Variants in ARK2N observed in about 807,000 individuals in gnomAD.
The protein encoded by ARK2N is protein ARK2N.
chr18:46,252,339 C>T, the ARK2N span, among the ~76,000 whole-genome samples: 1,282 of 151,962 alleles, frequency 8.4e-3, 53 homozygotes, highest in East Asian at 0.12. Context: ...TGCAGTGGCG[C>T]GATCTCGACT....
the ARK2N span, among the ~76,000 whole-genome samples, chr18:46,239,474 AATAG>A: frequency 6.6e-6 from 1 of 152,248 alleles, no homozygotes; most frequent in Non-Finnish European, 1.5e-5. Context: ...CTTTACTGGA[AATAG>A]ATATGTTAGT....
the ARK2N span, among the ~76,000 whole-genome samples, chr18:46,262,299 C>G: frequency 0.011 from 1,609 of 152,248 alleles, 38 homozygotes; most frequent in African/African-American, 0.036. Flanking sequence ...TTTAGTGGAT[C>G]TAAACTGAAG....
At chr18:46,186,546 C>T in the ARK2N span, among the ~76,000 whole-genome samples, 1 of 138,972 alleles carries the variant, frequency 7.2e-6, no homozygotes, top group Admixed American at 7.4e-5. Context: ...GCTCTGTTGC[C>T]CAGGCTGGAG....
At chr18:46,232,582 A>G in the ARK2N span, 8 of 152,202 alleles carry the variant, frequency 5.3e-5, no homozygotes, top group Admixed American at 5.2e-4. Flanking sequence ...GTAACAGGGA[A>G]TAACTTCCAA....
At chr18:46,200,091 T>TGC in the ARK2N span, among the ~76,000 whole-genome samples, 195 of 148,094 alleles carry the variant, frequency 1.3e-3, 1 homozygote, top group Middle Eastern at 0.01. Flanking sequence ...TGTGTGTGTG[T>TGC]GCGCGCGCGT....
the ARK2N span, among the ~76,000 whole-genome samples, chr18:46,239,067 T>C: frequency 1.5e-4 from 23 of 152,212 alleles, no homozygotes; most frequent in East Asian, 5.8e-4. Context: ...AAACTTTATG[T>C]TTGCTTTTTG....
At chr18:46,238,183 G>C in the ARK2N span, among the ~76,000 whole-genome samples, 2 of 152,140 alleles carry the variant, frequency 1.3e-5, no homozygotes, top group Admixed American at 1.3e-4. Context: ...CCTCAATTTG[G>C]GGGTAGGGGT....
the ARK2N span, among the ~76,000 whole-genome samples, chr18:46,213,414 T>TA: frequency 1.6e-4 from 24 of 151,922 alleles, no homozygotes; most frequent in African/African-American, 5.8e-4. Context: ...TTGACTGGCT[T>TA]AAAAAAAAGA....
the ARK2N span, among the ~76,000 whole-genome samples, chr18:46,183,946 C>G: frequency 6.6e-6 from 1 of 151,632 alleles, no homozygotes; most frequent in Non-Finnish European, 1.5e-5. Context: ...GCCTCAGCCT[C>G]CTGAGTAGCT....
chr18:46,175,112 A>AC, the ARK2N span, among the ~76,000 whole-genome samples: 2,576 of 133,362 alleles, frequency 0.019, 58 homozygotes, highest in African/African-American at 0.067. Context: ...AAAATTGTCC[A>AC]CCCCCCCGCC....
At chr18:46,199,792 G>C in the ARK2N span, among the ~76,000 whole-genome samples, 731 of 152,176 alleles carry the variant, frequency 4.8e-3, 9 homozygotes, top group African/African-American at 0.016. Context: ...ATCTTCTTCA[G>C]CTCTGCTGAC....
At chr18:46,236,355 G>A in the ARK2N span, among the ~76,000 whole-genome samples, 1 of 152,156 alleles carries the variant, frequency 6.6e-6, no homozygotes, top group African/African-American at 2.4e-5. Context: ...TGTTGTGATT[G>A]TAACAGCAAA....
At chr18:46,208,079 T>C in the ARK2N span, among the ~76,000 whole-genome samples, 94,966 of 152,084 alleles carry the variant, frequency 0.62, 31,807 homozygotes, top group Non-Finnish European at 0.74. Context: ...GAGAAAAACA[T>C]ATACCTATAT....
At chr18:46,227,609 T>G in the ARK2N span, among the ~76,000 whole-genome samples, 6 of 152,012 alleles carry the variant, frequency 3.9e-5, no homozygotes, top group East Asian at 1.2e-3. Context: ...TTTTTTTCCA[T>G]TTTTTGAGAT....
At chr18:46,252,466 G>T in the ARK2N span, among the ~76,000 whole-genome samples, 6 of 151,906 alleles carry the variant, frequency 3.9e-5, no homozygotes, top group Non-Finnish European at 8.8e-5. Flanking sequence ...GTAGAGATGG[G>T]GTTTCAACCA....
the ARK2N span, among the ~76,000 whole-genome samples, chr18:46,179,525 TTCAG>T: frequency 1.1e-4 from 17 of 152,172 alleles, no homozygotes; most frequent in Admixed American, 1.3e-4. Context: ...GGGATTGATG[TTCAG>T]TCAGTCAGTT....
the ARK2N span, among the ~76,000 whole-genome samples, chr18:46,202,704 C>A: frequency 6.6e-6 from 1 of 151,360 alleles, no homozygotes; most frequent in African/African-American, 2.4e-5. Context: ...AGGAGAATCG[C>A]TTGAACCCGG....
chr18:46,181,285 T>C, the ARK2N span, among the ~76,000 whole-genome samples: 17 of 152,078 alleles, frequency 1.1e-4, 1 homozygote, highest in Admixed American at 9.8e-4. Context: ...GAAATGTCGT[T>C]TTTTTGTAAT....
chr18:46,208,588 G>GC, the ARK2N span, among the ~76,000 whole-genome samples: 2 of 148,376 alleles, frequency 1.3e-5, no homozygotes, highest in Admixed American at 6.9e-5. Context: ...TCCTGCGTCA[G>GC]CCCCCCGAGT....
Sources: gnomAD v4.1 joint callset for allele counts (sites outside exome capture counted in the v4.1 genomes callset) on GRCh38, gnomAD v4.1.1 for gene constraint, MANE v1.5 for transcripts, NCBI Gene and HGNC (gene_info 2026-07-23, HGNC 2026-07-21) for gene names.